Variants in MACROD2 observed in about 807,000 individuals in gnomAD.
MACROD2 encodes mono-ADP ribosylhydrolase 2.
A neutral mutation model predicts 70.4 loss-of-function variants in MACROD2; 36 were observed. The observed-to-expected ratio is 0.51, with a 90% CI of 0.39 to 0.68. The LOEUF (loss-of-function observed/expected upper bound fraction) is 0.68. MACROD2 is among the 30% of genes least tolerant of loss of function. MACROD2 has a pLI of 0.00. For synonymous variants in MACROD2, 172 were observed against 178.8 expected, an observed-to-expected ratio of 0.96 and a Z score of 0.30; for missense variants, 496 against 538.4, an observed-to-expected ratio of 0.92 and a Z score of 0.78.
chr20:15,804,342 G>A (rs2147076875), intron 8 of MACROD2, among the ~76,000 whole-genome samples: 1 of 152,244 alleles, frequency 6.6e-6, no homozygotes, highest in African/African-American at 2.4e-5. Flanking sequence ...GCCTCACTTT[G>A]TTTTAAAGGC....
intron 6 of MACROD2, among the ~76,000 whole-genome samples, chr20:15,363,307 C>T (rs904285313): frequency 2.6e-5 from 4 of 152,192 alleles, no homozygotes; most frequent in Non-Finnish European, 5.9e-5. Flanking sequence ...TCCAATTCAG[C>T]AGTCTGTTAA....
intron 8 of MACROD2, among the ~76,000 whole-genome samples, chr20:15,503,532 A>AG (rs2047389899): frequency 6.6e-6 from 1 of 152,244 alleles, no homozygotes; most frequent in South Asian, 2.1e-4. Context: ...TCTTAAAAAA[A>AG]GTCTTGAAAT....
intron 8 of MACROD2, among the ~76,000 whole-genome samples, chr20:15,835,009 G>A (rs1161366372): frequency 6.6e-6 from 1 of 152,122 alleles, no homozygotes; most frequent in East Asian, 1.9e-4. Flanking sequence ...TCTCCCTCTG[G>A]AGGAAGCCAA....
intron 4 of MACROD2, among the ~76,000 whole-genome samples, chr20:14,502,705 A>C (rs935405946): frequency 6.6e-6 from 1 of 152,220 alleles, no homozygotes; most frequent in Non-Finnish European, 1.5e-5. Flanking sequence ...GTGATGGTGT[A>C]TCCAAATAAA....
intron 6 of MACROD2, among the ~76,000 whole-genome samples, chr20:15,247,029 G>T (rs77944100): frequency 1.4e-3 from 207 of 152,158 alleles, no homozygotes; most frequent in Non-Finnish European, 2.0e-3. Context: ...CAGAGGCTGG[G>T]GATAAGAGAT....
At chr20:15,544,636 C>T (rs1041906919) in intron 8 of MACROD2, among the ~76,000 whole-genome samples, 3 of 152,200 alleles carry the variant, frequency 2.0e-5, no homozygotes, top group African/African-American at 7.2e-5. Context: ...TCTAGGTGTC[C>T]AAGCATGCTC....
chr20:15,393,453 T>C (rs939834741), intron 6 of MACROD2, among the ~76,000 whole-genome samples: 2 of 152,218 alleles, frequency 1.3e-5, no homozygotes, highest in Non-Finnish European at 2.9e-5. Flanking sequence ...CTCTTCTGTC[T>C]TTCCATCCCA....
chr20:15,777,989 C>T (rs1423285541), intron 8 of MACROD2, among the ~76,000 whole-genome samples: 2 of 152,124 alleles, frequency 1.3e-5, no homozygotes, highest in Non-Finnish European at 2.9e-5. Context: ...AACTCCTAGT[C>T]AGTGTTCTTT....
At chr20:16,024,504 C>A (rs973134683) in intron 15 of MACROD2, among the ~76,000 whole-genome samples, 1 of 143,028 alleles carries the variant, frequency 7.0e-6, no homozygotes, top group Non-Finnish European at 1.6e-5. Context: ...TGTTCACACA[C>A]ACACACACAG....
intron 8 of MACROD2, among the ~76,000 whole-genome samples, chr20:15,789,376 C>T (rs1450496280): frequency 6.6e-6 from 1 of 152,118 alleles, no homozygotes; most frequent in East Asian, 1.9e-4. Context: ...AACATAAAAT[C>T]ATATGACCCA....
chr20:14,028,034 C>T (rs2053196378), intron 2 of MACROD2, among the ~76,000 whole-genome samples: 1 of 152,226 alleles, frequency 6.6e-6, no homozygotes, highest in Admixed American at 6.5e-5. Flanking sequence ...CCCCCAGGTA[C>T]TCTATCCCAG....
intron 5 of MACROD2, among the ~76,000 whole-genome samples, chr20:15,120,463 A>G (rs1481736072): frequency 2.0e-5 from 3 of 152,152 alleles, no homozygotes; most frequent in African/African-American, 7.2e-5. Flanking sequence ...AATATTTTAT[A>G]TGCGTTTTAT....
chr20:15,520,549 A>G (rs578224383), intron 8 of MACROD2, among the ~76,000 whole-genome samples: 2 of 152,336 alleles, frequency 1.3e-5, no homozygotes, highest in African/African-American at 4.8e-5. Flanking sequence ...TTAAAGCTTA[A>G]GAGGAGCCTA....
intron 5 of MACROD2, among the ~76,000 whole-genome samples, chr20:14,820,724 C>T (rs561495138): frequency 6.6e-6 from 1 of 151,548 alleles, no homozygotes; most frequent in Non-Finnish European, 1.5e-5. Flanking sequence ...TTCTTTTTTT[C>T]CCCCCTTTTT....
chr20:14,708,020 T>A (rs1466431685), intron 5 of MACROD2, among the ~76,000 whole-genome samples: 1 of 152,182 alleles, frequency 6.6e-6, no homozygotes, highest in Non-Finnish European at 1.5e-5. Flanking sequence ...TATGTGTGCA[T>A]AGGAAACTCT....
intron 12 of MACROD2, among the ~76,000 whole-genome samples, chr20:15,959,827 C>T (rs530021469): frequency 4.6e-5 from 7 of 151,940 alleles, no homozygotes; most frequent in East Asian, 3.9e-4. Flanking sequence ...CCACCATGCC[C>T]GGCCCAAACT....
chr20:14,881,278 T>C (rs1480834788), intron 5 of MACROD2, among the ~76,000 whole-genome samples: 2 of 149,550 alleles, frequency 1.3e-5, no homozygotes, highest in Non-Finnish European at 3.0e-5. Flanking sequence ...CTGGTGGGCT[T>C]GACCATACTA....
chr20:15,367,790 C>T (rs1348044911), intron 6 of MACROD2, among the ~76,000 whole-genome samples: 4 of 151,980 alleles, frequency 2.6e-5, no homozygotes, highest in African/African-American at 9.7e-5. Flanking sequence ...TTATTTGTTA[C>T]TCTGATTCTT....
chr20:14,125,238 C>T (rs1284079649), intron 3 of MACROD2, among the ~76,000 whole-genome samples: 2 of 152,044 alleles, frequency 1.3e-5, no homozygotes, highest in African/African-American at 4.8e-5. Context: ...GGTGGTTGCA[C>T]AACATTTTGA....
Sources: allele counts gnomAD v4.1 joint callset (sites outside exome capture counted in the v4.1 genomes callset), GRCh38; gene constraint gnomAD v4.1.1; transcripts MANE v1.5; gene names NCBI Gene and HGNC (gene_info 2026-07-23, HGNC 2026-07-21).